The following ANO2 variants were observed in gnomAD, a reference collection of about 807,000 sequenced individuals.
The protein encoded by ANO2 is anoctamin-2.
In ANO2, 101 loss-of-function variants were observed where a neutral mutation model predicts 124.2. The ratio of observed to expected loss-of-function variants is 0.81; its 90% confidence interval spans 0.69 to 0.96. The LOEUF (loss-of-function observed/expected upper bound fraction) is 0.96, where lower values mean the gene tolerates loss of function less well. ANO2 is among the 40% of genes least tolerant of loss of function. The pLI is 0.00. For missense variants in ANO2, 1,293 were observed against 1,274.5 expected (o/e 1.01, Z -0.22); for synonymous variants, 486 against 482.5 (o/e 1.01, Z -0.09).
intron 7 of ANO2, among the ~76,000 whole-genome samples, chr12:5,825,134 T>A (rs1953918308): frequency 6.6e-6 from 1 of 152,170 alleles, no homozygotes. Flanking sequence ...CCATACAGCA[T>A]TGCATCTGAC....
intron 3 of ANO2, among the ~76,000 whole-genome samples, chr12:5,890,511 T>C (rs528560316): frequency 2.0e-5 from 3 of 152,354 alleles, no homozygotes; most frequent in South Asian, 2.1e-4. Flanking sequence ...AATTGTGAGA[T>C]AGAAAGAATT....
chr12:5,682,308 C>T (rs537478511), intron 14 of ANO2, among the ~76,000 whole-genome samples: 1 of 151,772 alleles, frequency 6.6e-6, no homozygotes, highest in East Asian at 2.0e-4. Context: ...AAACTATATT[C>T]TCTGATCTAT....
intron 20 of ANO2, among the ~76,000 whole-genome samples, chr12:5,595,718 C>A (rs4140862): frequency 0.29 from 44,607 of 151,996 alleles, 6,702 homozygotes; most frequent in Non-Finnish European, 0.33. Context: ...AGGACAGAAA[C>A]AAGTGATGAT....
chr12:5,805,657 C>T (rs1362714827), intron 9 of ANO2, among the ~76,000 whole-genome samples: 3 of 152,124 alleles, frequency 2.0e-5, no homozygotes, highest in South Asian at 2.1e-4. Flanking sequence ...AGAGGTGTTC[C>T]GAGCCCCATC....
intron 3 of ANO2, among the ~76,000 whole-genome samples, chr12:5,872,464 G>A (rs989924957): frequency 1.3e-5 from 2 of 152,062 alleles, no homozygotes; most frequent in Non-Finnish European, 2.9e-5. Flanking sequence ...CTGTGACAGG[G>A]GCTTCGAAGG....
rs564942833 is a variant in ANO2, at chr12:5,864,633, G to C, written c.535-10492C>G. Among the ~76,000 whole-genome samples, 289 of 152,292 alleles carry C rather than the reference G, an allele frequency of 1.9e-3. 5 individuals carry two copies. Among genetic ancestry groups the C allele is most frequent in the Non-Finnish European group, 3.3e-3 (224 of 68,016 alleles). ...GAGGAATGGAAGGCAAGAGAGCAAT[G>C]GGCAAAGGGGTGCCCTAGCTGGTCA... On this transcript the variant is annotated intron_variant, in intron 3 of 24. Coordinates refer to ENST00000682330, the MANE Select transcript of ANO2 (RefSeq NM_001364791.2).
intron 14 of ANO2, 120 bp downstream of exon 14, chr12:5,732,400 T>C: frequency 1.3e-6 from 1 of 750,738 alleles, no homozygotes; most frequent in South Asian, 1.8e-5. Flanking sequence ...TCTCATCTCA[T>C]CCTGCCCCAC....
At chr12:5,743,799 T>C (rs955221378) in intron 12 of ANO2, among the ~76,000 whole-genome samples, 7 of 152,102 alleles carry the variant, frequency 4.6e-5, no homozygotes, top group Non-Finnish European at 8.8e-5. Context: ...ATTCTAAGTA[T>C]TGTGCTGCAC....
At chr12:5,940,771 TA>T (rs1222511462) in intron 1 of ANO2, among the ~76,000 whole-genome samples, 3 of 152,110 alleles carry the variant, frequency 2.0e-5, no homozygotes, top group Non-Finnish European at 4.4e-5. Context: ...CCAAGAGAAC[TA>T]AAAAACATGT....
chr12:5,577,538 G>A (rs1942481741), intron 22 of ANO2, among the ~76,000 whole-genome samples: 1 of 152,214 alleles, frequency 6.6e-6, no homozygotes, highest in African/African-American at 2.4e-5. Flanking sequence ...TTAAGATTTT[G>A]CACTGACAAC....
At chr12:5,656,703 T>C (rs541267438) in intron 14 of ANO2, among the ~76,000 whole-genome samples, 24 of 152,318 alleles carry the variant, frequency 1.6e-4, no homozygotes, top group South Asian at 8.3e-4. Flanking sequence ...AGCTCTTTAA[T>C]TGTTTGTTCA....
At chr12:5,854,398 CAAAAAAAAAAAAAA>C (rs56030072) in intron 3 of ANO2, among the ~76,000 whole-genome samples, 18 of 76,120 alleles carry the variant, frequency 2.4e-4, no homozygotes, top group African/African-American at 9.5e-4. Context: ...AGCTTCAGAG[CAAAAAAAAAAAAAA>C]AAAAAAAACA....
chr12:5,794,936 T>C (rs1323839595), intron 10 of ANO2, among the ~76,000 whole-genome samples: 1 of 152,244 alleles, frequency 6.6e-6, no homozygotes, highest in Admixed American at 6.5e-5. Flanking sequence ...CTAACCCAGC[T>C]GTGGCCTGGC....
intron 14 of ANO2, among the ~76,000 whole-genome samples, chr12:5,652,807 C>T (rs1283434307): frequency 1.3e-5 from 2 of 152,152 alleles, no homozygotes; most frequent in African/African-American, 4.8e-5. Flanking sequence ...TGATGTCAAC[C>T]TTGATCTCCT....
At chr12:5,602,070 A>G (rs1267637770) in intron 19 of ANO2, among the ~76,000 whole-genome samples, 1 of 152,192 alleles carries the variant, frequency 6.6e-6, no homozygotes, top group Non-Finnish European at 1.5e-5. Context: ...GCACTTCCCA[A>G]TACCAACAGG....
intron 3 of ANO2, among the ~76,000 whole-genome samples, chr12:5,907,069 T>C (rs1370164929): frequency 1.3e-5 from 2 of 152,206 alleles, no homozygotes; most frequent in Non-Finnish European, 2.9e-5. Flanking sequence ...GTTTCCAATA[T>C]GTCTTTAACC....
At chr12:5,754,686 A>C (rs1001141905) in intron 10 of ANO2, among the ~76,000 whole-genome samples, 1 of 152,100 alleles carries the variant, frequency 6.6e-6, no homozygotes, top group Non-Finnish European at 1.5e-5. Flanking sequence ...TATGGTTCTA[A>C]GCATTTATCC....
rs371725639 is a variant in ANO2, at chr12:5,931,311, C to A, written c.23-8507G>T. On this transcript the variant is annotated intron_variant, in intron 1 of 24. Coordinates refer to ENST00000682330, the MANE Select transcript of ANO2 (RefSeq NM_001364791.2). The stretch of plus-strand genomic sequence containing the variant: ...CCAGGCTCCAAGCACAGCAAATGAC[C>A]ATTCTTTGGGAGGTTGGGGTGGGGA... 1.1e-4 allele frequency among the ~76,000 whole-genome samples: 16 copies of A among 152,188 alleles called. No homozygotes were observed. The East Asian group carries it at 2.7e-3, about 26-fold the overall frequency.
At chr12:5,645,811 G>C (rs1946610675) in intron 15 of ANO2, among the ~76,000 whole-genome samples, 1 of 152,154 alleles carries the variant, frequency 6.6e-6, no homozygotes, top group Non-Finnish European at 1.5e-5. Flanking sequence ...TCCCTACAGA[G>C]AGAGGTTGTA....
Sources: gnomAD v4.1 joint callset for allele counts (sites outside exome capture counted in the v4.1 genomes callset) on GRCh38, gnomAD v4.1.1 for gene constraint, MANE v1.5 for transcripts, NCBI Gene and HGNC (gene_info 2026-07-23, HGNC 2026-07-21) for gene names.